CFAP299: variants seen among roughly 807,000 people sequenced by gnomAD.
CFAP299 encodes the protein cilia- and flagella-associated protein 299.
Under a neutral mutation model 27.0 loss-of-function variants are expected in CFAP299, and 21 were observed. That is an observed-to-expected ratio of 0.78 (90% CI 0.55 to 1.12). The LOEUF (loss-of-function observed/expected upper bound fraction) is 1.12, where lower values mean the gene tolerates loss of function less well. CFAP299 is among the 50% of genes most tolerant of loss of function. CFAP299 has a pLI of 0.00. For synonymous variants in CFAP299, 104 were observed against 98.1 expected, an observed-to-expected ratio of 1.06 and a Z score of -0.36; for missense variants, 310 against 276.6, an observed-to-expected ratio of 1.12 and a Z score of -0.86.
chr4:80,380,682 G>A (rs1724658701), intron 2 of CFAP299, among the ~76,000 whole-genome samples: 1 of 152,066 alleles, frequency 6.6e-6, no homozygotes, highest in Non-Finnish European at 1.5e-5. Context: ...ACCCACCTTG[G>A]CCTCCCAAAG....
intron 4 of CFAP299, among the ~76,000 whole-genome samples, chr4:80,942,341 T>C (rs537037352): frequency 6.6e-6 from 1 of 152,268 alleles, no homozygotes; most frequent in South Asian, 2.1e-4. Context: ...ATCCAAGTGG[T>C]CATTTTCCTG....
intron 5 of CFAP299, among the ~76,000 whole-genome samples, chr4:80,949,545 AC>A (rs1334562955): frequency 1.9e-4 from 8 of 41,594 alleles, no homozygotes; most frequent in Admixed American, 1.1e-3. Flanking sequence ...AACAACAACA[AC>A]AAAAAAAAAA....
intron 3 of CFAP299, among the ~76,000 whole-genome samples, chr4:80,591,434 T>C (rs1180685769): frequency 6.6e-6 from 1 of 152,144 alleles, no homozygotes; most frequent in Admixed American, 6.5e-5. Context: ...TAGTAACTTG[T>C]TTACAAAGAA....
intron 3 of CFAP299, among the ~76,000 whole-genome samples, chr4:80,729,171 A>G (rs1239344129): frequency 1.3e-5 from 2 of 152,218 alleles, no homozygotes; most frequent in Non-Finnish European, 2.9e-5. Context: ...TCTCTTAGGC[A>G]GAGCAGTAGT....
At chr4:80,650,155 T>G (rs1202045763) in intron 3 of CFAP299, among the ~76,000 whole-genome samples, 1 of 152,098 alleles carries the variant, frequency 6.6e-6, no homozygotes, top group Non-Finnish European at 1.5e-5. Context: ...AGTTAATATT[T>G]GTAAGAATTT....
intron 2 of CFAP299, among the ~76,000 whole-genome samples, chr4:80,526,120 C>T (rs1011577207): frequency 6.6e-6 from 1 of 152,124 alleles, no homozygotes; most frequent in Non-Finnish European, 1.5e-5. Flanking sequence ...TTATGTACCT[C>T]ACAATTCCTT....
intron 3 of CFAP299, among the ~76,000 whole-genome samples, chr4:80,685,366 A>G (rs1202884292): frequency 6.6e-6 from 1 of 152,116 alleles, no homozygotes; most frequent in Non-Finnish European, 1.5e-5. Context: ...TTTCAAAACA[A>G]TGCACAGGGA....
chr4:80,752,433 AATAT>A (rs138153448), intron 3 of CFAP299, among the ~76,000 whole-genome samples: 70 of 147,090 alleles, frequency 4.8e-4, no homozygotes, highest in South Asian at 4.0e-3. Context: ...TATATAAATA[AATAT>A]ATATATACTA....
intron 3 of CFAP299, among the ~76,000 whole-genome samples, chr4:80,860,614 T>G (rs1732268662): frequency 6.6e-6 from 1 of 152,212 alleles, no homozygotes; most frequent in Admixed American, 6.5e-5. Context: ...GTTTGTTAGT[T>G]TTCCTTCTAA....
At chr4:80,422,944 C>T (rs567300489) in intron 2 of CFAP299, among the ~76,000 whole-genome samples, 1 of 152,262 alleles carries the variant, frequency 6.6e-6, no homozygotes, top group East Asian at 1.9e-4. Flanking sequence ...CTATATGGTA[C>T]AGCCTATTGC....
chr4:80,419,030 T>C (rs958664449), intron 2 of CFAP299, among the ~76,000 whole-genome samples: 2 of 152,192 alleles, frequency 1.3e-5, no homozygotes, highest in Admixed American at 1.3e-4. Context: ...AGCAAATCTA[T>C]ATCCATACAG....
At chr4:80,632,029 G>C (rs1033569617) in intron 3 of CFAP299, among the ~76,000 whole-genome samples, 2 of 151,824 alleles carry the variant, frequency 1.3e-5, no homozygotes, top group African/African-American at 4.8e-5. Flanking sequence ...TGCCTCTCCC[G>C]ACCCTGAAGA....
In CFAP299 at chr4:80,730,940, G is replaced by T. The variant is rs552075416; in HGVS notation, c.334-139053G>T. Among the ~76,000 whole-genome samples, 11 of 152,090 alleles carry T rather than the reference G, an allele frequency of 7.2e-5. 1 individual carries two copies. In the South Asian group the frequency reaches 1.7e-3, roughly 23 times the overall value. ...CACATGCCTTTATTCTTCCTATTTAGTCCATCCTCTGAGAAGACTTCCTGA... is the reference window on the plus strand; with the variant it reads ...CACATGCCTTTATTCTTCCTATTTATTCCATCCTCTGAGAAGACTTCCTGA... On this transcript the variant is annotated intron_variant, in intron 3 of 5. Transcript: ENST00000358105.
chr4:80,426,760 C>T (rs986927569), intron 2 of CFAP299, among the ~76,000 whole-genome samples: 1 of 152,222 alleles, frequency 6.6e-6, no homozygotes, highest in Non-Finnish European at 1.5e-5. Context: ...TTCTTGGTTT[C>T]ACCACTTCTT....
intron 2 of CFAP299, among the ~76,000 whole-genome samples, chr4:80,382,247 G>A (rs950928608): frequency 1.3e-5 from 2 of 152,108 alleles, no homozygotes; most frequent in African/African-American, 4.8e-5. Context: ...ACATAAAATG[G>A]GCAAATATTT....
chr4:80,332,244 G>A (rs1301580981), upstream of CFAP299, among the ~76,000 whole-genome samples: 1 of 152,188 alleles, frequency 6.6e-6, no homozygotes, highest in Non-Finnish European at 1.5e-5. Context: ...GGAAGGTAAG[G>A]AAATGGAGAC....
chr4:80,622,539 A>AAT (rs1738660502), intron 3 of CFAP299, among the ~76,000 whole-genome samples: 2 of 152,288 alleles, frequency 1.3e-5, no homozygotes, highest in South Asian at 4.1e-4. Context: ...CTTGTTTCAT[A>AAT]ATATAATAAC....
chr4:80,669,139 T>TG lies in CFAP299; in HGVS notation c.333+85956_333+85957insG. Among the ~76,000 whole-genome samples, 2 of 22,108 alleles carry TG rather than the reference T, an allele frequency of 9.0e-5. 1 individual carries two copies. Among genetic ancestry groups the TG allele is most frequent in the Non-Finnish European group, 2.0e-4 (2 of 10,156 alleles). The allele number at this position is 22,108 out of a possible 152,430, so 14.5% of individuals were successfully genotyped here. A position where few individuals can be genotyped will look rare whatever the true frequency, so the allele number is the denominator to read the frequency against. ...CTTTTCTTTTCTTTTCTGTCTTTCTTTCTTTCTTTCTTTTTTTTTTTTTTT... is the reference window on the plus strand; with the variant it reads ...CTTTTCTTTTCTTTTCTGTCTTTCTTGTCTTTCTTTCTTTTTTTTTTTTTTT... On this transcript the variant is annotated intron_variant, in intron 3 of 5. Transcript: ENST00000358105.
chr4:80,791,490 C>A (rs1284680546), intron 3 of CFAP299, among the ~76,000 whole-genome samples: 1 of 151,918 alleles, frequency 6.6e-6, no homozygotes, highest in Non-Finnish European at 1.5e-5. Context: ...GGTATATTAG[C>A]AATTATAGCA....
Sources: allele counts gnomAD v4.1 joint callset (sites outside exome capture counted in the v4.1 genomes callset), GRCh38; gene constraint gnomAD v4.1.1; transcripts MANE v1.5; gene names NCBI Gene and HGNC (gene_info 2026-07-23, HGNC 2026-07-21).